SGCZ: variants seen among roughly 807,000 people sequenced by gnomAD.
SGCZ encodes the protein zeta-sarcoglycan.
In SGCZ, 40 loss-of-function variants were observed where a neutral mutation model predicts 41.3. That is an observed-to-expected ratio of 0.97 (90% CI 0.75 to 1.26). The LOEUF is 1.26. SGCZ is among the 50% of genes most tolerant of loss of function. The pLI, the probability that SGCZ is intolerant of heterozygous loss-of-function variation, is 0.00. For synonymous variants in SGCZ, 206 were observed against 137.5 expected (o/e 1.50, Z -3.49); for missense variants, 552 against 369.8 (o/e 1.49, Z -4.04).
rs577012198 is a variant in SGCZ, at chr8:14,432,652, G to A, written c.235-108448C>T. Among the ~76,000 whole-genome samples, 13 of 152,216 alleles carry A rather than the reference G, an allele frequency of 8.5e-5. No homozygotes were observed. The South Asian group carries it at 2.1e-3, about 24-fold the overall frequency. On this transcript the variant is annotated intron_variant, in intron 2 of 7. Transcript: ENST00000382080. ...CTTACAGCAGGGCGCATTGGCTCAC[G>A]CCTGTAATCCCAGCACTTTGGGAGG...
intron 1 of SGCZ, among the ~76,000 whole-genome samples, chr8:14,617,034 A>G (rs1806128086): frequency 6.6e-6 from 1 of 152,114 alleles, no homozygotes; most frequent in Admixed American, 6.5e-5. Context: ...GGTAATTCAG[A>G]TATTAGGAAG....
intron 2 of SGCZ, among the ~76,000 whole-genome samples, chr8:14,370,507 A>G (rs1001410186): frequency 5.9e-5 from 9 of 151,974 alleles, no homozygotes; most frequent in Non-Finnish European, 8.8e-5. Flanking sequence ...TTGTAATCCA[A>G]TCACAGTAAC....
At chr8:14,434,724 G>A (rs1800039667) in intron 2 of SGCZ, among the ~76,000 whole-genome samples, 2 of 151,558 alleles carry the variant, frequency 1.3e-5, no homozygotes, top group South Asian at 2.1e-4. Flanking sequence ...AATTTTTTTT[G>A]CAACAGCTAT....
At chr8:14,510,163 T>C (rs1802427215) in intron 2 of SGCZ, among the ~76,000 whole-genome samples, 1 of 152,176 alleles carries the variant, frequency 6.6e-6, no homozygotes, top group Non-Finnish European at 1.5e-5. Flanking sequence ...TAATTTCGTA[T>C]TTACAAATAC....
intron 2 of SGCZ, among the ~76,000 whole-genome samples, chr8:14,443,027 G>A (rs1345104787): frequency 1.3e-5 from 2 of 152,096 alleles, no homozygotes; most frequent in African/African-American, 4.8e-5. Flanking sequence ...CAGCCAAACA[G>A]AGAGCCAAAT....
chr8:14,989,158 T>C (rs916308897), intron 1 of SGCZ, among the ~76,000 whole-genome samples: 5 of 152,254 alleles, frequency 3.3e-5, no homozygotes, highest in African/African-American at 1.2e-4. Flanking sequence ...GAAGGGTCTG[T>C]GGACTACTTT....
chr8:14,630,881 G>T, intron 1 of SGCZ, among the ~76,000 whole-genome samples: 1 of 110,718 alleles, frequency 9.0e-6, no homozygotes, highest in Non-Finnish European at 1.8e-5. Context: ...TGGGGTGGGG[G>T]GAGGGGAGAG....
At chr8:14,148,739 A>C (rs2116945343) in intron 5 of SGCZ, among the ~76,000 whole-genome samples, 1 of 152,256 alleles carries the variant, frequency 6.6e-6, no homozygotes, top group East Asian at 1.9e-4. Flanking sequence ...ACATCAAAAA[A>C]AGAAAACTAC....
intron 1 of SGCZ, among the ~76,000 whole-genome samples, chr8:14,824,883 G>A (rs530084180): frequency 6.6e-6 from 1 of 151,994 alleles, no homozygotes; most frequent in Non-Finnish European, 1.5e-5. Context: ...TTTCAACTGT[G>A]ATTTATATGC....
intron 1 of SGCZ, among the ~76,000 whole-genome samples, chr8:15,153,395 G>A (rs141215823): frequency 4.3e-4 from 66 of 152,258 alleles, no homozygotes; most frequent in African/African-American, 1.5e-3. Flanking sequence ...AACTAACTCC[G>A]TCACTTTAGT....
intron 1 of SGCZ, among the ~76,000 whole-genome samples, chr8:14,904,390 A>C (rs1029631488): frequency 1.1e-4 from 17 of 152,110 alleles, no homozygotes; most frequent in African/African-American, 4.1e-4. Flanking sequence ...GACGCAGTTC[A>C]ATATAGCACG....
chr8:14,906,471 A>AG (rs1295420999), intron 1 of SGCZ, among the ~76,000 whole-genome samples: 1 of 152,184 alleles, frequency 6.6e-6, no homozygotes, highest in African/African-American at 2.4e-5. Context: ...GTGATATGGC[A>AG]GGTTACCCAC....
intron 2 of SGCZ, among the ~76,000 whole-genome samples, chr8:14,349,241 G>A (rs1585393491): frequency 6.6e-6 from 1 of 152,078 alleles, no homozygotes; most frequent in East Asian, 1.9e-4. Flanking sequence ...AACTATCTTT[G>A]CAGGGAGAAG....
chr8:15,156,912 T>A (rs576459335), intron 1 of SGCZ, among the ~76,000 whole-genome samples: 1 of 139,580 alleles, frequency 7.2e-6, no homozygotes, highest in African/African-American at 2.7e-5. Flanking sequence ...AGCATCGCAC[T>A]CCGCCTGGGC....
intron 1 of SGCZ, among the ~76,000 whole-genome samples, chr8:15,098,777 G>T (rs1165673731): frequency 1.3e-5 from 2 of 152,340 alleles, no homozygotes; most frequent in African/African-American, 2.4e-5. Context: ...TAGTGCCTCA[G>T]TTCGGGTGCC....
chr8:14,587,499 G>GCCT (rs1805099537), intron 1 of SGCZ, among the ~76,000 whole-genome samples: 1 of 151,196 alleles, frequency 6.6e-6, no homozygotes, highest in Admixed American at 6.6e-5. Context: ...AGGGAGACCT[G>GCCT]CCTCTACCAA....
intron 2 of SGCZ, among the ~76,000 whole-genome samples, chr8:14,373,276 A>G (rs932364964): frequency 2.0e-5 from 3 of 152,158 alleles, no homozygotes; most frequent in Admixed American, 2.0e-4. Flanking sequence ...ATTTACTGGA[A>G]CATCGATGCA....
chr8:14,478,644 A>G (rs1030258374), intron 2 of SGCZ, among the ~76,000 whole-genome samples: 30 of 151,734 alleles, frequency 2.0e-4, no homozygotes, highest in African/African-American at 7.3e-4. Context: ...TGAAACTGAA[A>G]TTTAAAATAG....
chr8:15,130,859 A>C (rs541769814), intron 1 of SGCZ, among the ~76,000 whole-genome samples: 1 of 152,288 alleles, frequency 6.6e-6, no homozygotes, highest in East Asian at 1.9e-4. Context: ...CAAAATCTAT[A>C]AAGTTGAAGA....
Sources: gnomAD v4.1 joint callset for allele counts (sites outside exome capture counted in the v4.1 genomes callset) on GRCh38, gnomAD v4.1.1 for gene constraint, MANE v1.5 for transcripts, NCBI Gene and HGNC (gene_info 2026-07-23, HGNC 2026-07-21) for gene names.